Variants in ERI2 observed in about 807,000 individuals in gnomAD.
ERI2 encodes the protein ERI1 exoribonuclease 2.
A neutral mutation model predicts 46.8 loss-of-function variants in ERI2; 35 were observed. The observed-to-expected ratio is 0.75, with a 90% CI of 0.57 to 0.99. The LOEUF (loss-of-function observed/expected upper bound fraction) is 0.99. ERI2 is among the 50% of genes least tolerant of loss of function. The probability of loss-of-function intolerance (pLI) is 0.00; values close to 1 mark genes in which losing one functional copy is unlikely to be tolerated. For synonymous variants in ERI2, 224 were observed against 271.0 expected (o/e 0.83, Z 1.70); for missense variants, 695 against 796.2 (o/e 0.87, Z 1.53).
At position 20,798,653 on chromosome 16, in the gene ERI2, T is replaced by C; in HGVS notation, c.1147A>G (p.Thr383Ala). 2 of 1,551,636 alleles carry C rather than the reference T, an allele frequency of 1.3e-6. No individual in the cohort carries two copies. Among genetic ancestry groups the C allele is most frequent in the Non-Finnish European group, 1.7e-6 (2 of 1,146,914 alleles). Residue 383 changes from threonine (T) to alanine (A), a missense_variant, in exon 9 of 9, where the codon ACC (threonine) becomes GCC (alanine). Coordinates refer to ENST00000357967, the MANE Select transcript of ERI2 (RefSeq NM_001142725.2). ...VGSELVLVST[T>A]VPTVHHVSDL... ...GAAACATGATGAACAGTTGGAACGG[T>C]GGTAGAAACAAGTACCAATTCTGAA...
intron 9 of ERI2, chr16:20,789,562 A>G: frequency 6.2e-7 from 1 of 1,602,506 alleles, no homozygotes; most frequent in Non-Finnish European, 8.6e-7. Flanking sequence ...CCACAGCTAA[A>G]CAAAGTTTGA....
intron 10 of ERI2, chr16:20,781,023 A>G (rs2080341135): frequency 1.2e-6 from 2 of 1,614,090 alleles, no homozygotes; most frequent in Non-Finnish European, 1.7e-6. Context: ...TACCTCAGAT[A>G]CGGGCTGGGC....
chr16:20,792,510 G>C, downstream of ERI2: 1 of 984,312 alleles, frequency 1.0e-6, no homozygotes, highest in Non-Finnish European at 1.2e-6. Context: ...ATTATGAGTT[G>C]CAGCTCTGAT....
At chr16:20,800,469 A>G (rs2080784329) in intron 5 of ERI2, 67 bp from the exon 6 acceptor site, 1 of 875,648 alleles carries the variant, frequency 1.1e-6, no homozygotes, top group South Asian at 1.7e-5. Context: ...TGCTGCCACC[A>G]TTTACAAATA....
chr16:20,796,050 T>G, downstream of ERI2: 1 of 221,008 alleles, frequency 4.5e-6, no homozygotes, highest in Non-Finnish European at 8.8e-6. Context: ...CAGCCTTGTA[T>G]AAAGACTGCA....
chr16:20,798,070 A>G lies in ERI2; in HGVS notation c.1730T>C (p.Leu577Ser), dbSNP rs754409098. 1 of 1,551,584 alleles carries G rather than the reference A, an allele frequency of 6.4e-7. No individual in the cohort carries two copies. Among genetic ancestry groups the G allele is most frequent in the South Asian group, 1.2e-5 (1 of 84,050 alleles). ...SSSWRRLPSI[L>S]TSTVNLQEPW... ...CTCTTGTAGGTTAACTGTAGAAGTT[A>G]ATATAGATGGGAGACGCCTCCAGGA... Residue 577 changes from leucine to serine, a missense_variant, in exon 9 of 9, where the codon TTA becomes TCA. Physicochemically the swap from Leu to Ser is moderately radical, Grantham distance 145. Transcript: ENST00000357967.
At position 20,797,046 on chromosome 16, in the gene ERI2, G is replaced by C; in HGVS notation, c.*678C>G. 1 of 1,551,074 alleles carries C rather than the reference G, an allele frequency of 6.4e-7. No individual in the cohort carries two copies. The highest frequency in any genetic ancestry group is 1.3e-5 in the South Asian group (1 of 79,334). ...AATCTCTAGAAACCACAAGATGATGGAGAGGTCATAAAAACTGTGGTAGTA... is the reference window on the plus strand; with the variant it reads ...AATCTCTAGAAACCACAAGATGATGCAGAGGTCATAAAAACTGTGGTAGTA... On this transcript the variant is annotated 3_prime_UTR_variant, in exon 9 of 9. Coordinates refer to ENST00000357967, the MANE Select transcript of ERI2 (RefSeq NM_001142725.2).
At chr16:20,804,189 G>GT (rs1313720021) in intron 1 of ERI2, among the ~76,000 whole-genome samples, 2 of 151,990 alleles carry the variant, frequency 1.3e-5, no homozygotes, top group Non-Finnish European at 2.9e-5. Context: ...TTGTTTTACA[G>GT]TAATACTGAG....
chr16:20,804,005 C>T (rs893414700), intron 1 of ERI2, among the ~76,000 whole-genome samples: 3 of 151,806 alleles, frequency 2.0e-5, no homozygotes, highest in Admixed American at 1.3e-4. Flanking sequence ...CATGCCACCA[C>T]GGCCCATTAG....
rs2080581441 is a variant in ERI2 at position 20,790,834 on chromosome 16, G to A, written c.815+16C>T. On this transcript the variant is annotated intron_variant, in intron 9 of 10. Transcript: ENST00000300005. This position sits in a 1 kb window ranked among gnomAD's most constrained non-coding sequence, Gnocchi z 4.0. ...TCCTGAATAGTAATCCAAAAGACAA[G>A]AAATTGAAGAAATACCCAAATTCTT... The A allele has an allele frequency of 9.3e-6, 15 of 1,613,824 alleles. No individual in the cohort carries two copies. The highest frequency in any genetic ancestry group is 1.3e-5 in the Non-Finnish European group (15 of 1,179,932).
chr16:20,785,346 A>G (rs748388350), intron 10 of ERI2, among the ~76,000 whole-genome samples: 1 of 152,232 alleles, frequency 6.6e-6, no homozygotes, highest in Non-Finnish European at 1.5e-5. Context: ...GGGCATTACA[A>G]TATTTTTTTA....
In ERI2 at chr16:20,796,842, G is replaced by C. The variant is rs376293834; in HGVS notation, c.*882C>G. The C allele has an allele frequency of 6.2e-7, 1 of 1,605,764 alleles. No individual in the cohort carries two copies. Among genetic ancestry groups the C allele is most frequent in the Middle Eastern group, 1.7e-4 (1 of 6,028 alleles). On this transcript the variant is annotated 3_prime_UTR_variant, in exon 9 of 9. Coordinates refer to ENST00000357967, the MANE Select transcript of ERI2 (RefSeq NM_001142725.2). ...TGCTATATAATTGGCTTTATGTAAAGATAAAAATTTCCAGGCTAATTTTCT... is the reference window on the plus strand; with the variant it reads ...TGCTATATAATTGGCTTTATGTAAACATAAAAATTTCCAGGCTAATTTTCT...
chr16:20,806,270 G>A, intron 1 of ERI2, 138 bp downstream of exon 1: 1 of 1,438,448 alleles, frequency 7.0e-7, no homozygotes, highest in Non-Finnish European at 9.1e-7. Flanking sequence ...CCGTGCCAGA[G>A]AGGGCAGGTC....
At chr16:20,792,370 G>T (rs776238772), downstream of ERI2, 5 of 1,611,038 alleles carry the variant, frequency 3.1e-6, no homozygotes, top group Non-Finnish European at 4.2e-6. Flanking sequence ...TTTATAATTT[G>T]TTGGCAATTT....
rs2080818822 is a variant in ERI2, at chr16:20,803,612, T to C, written c.82A>G (p.Ser28Gly). ...TAAGCATACTACTCACTGGATTTGCTTCTTCCGAGATTTCCATTTGCTGGC... is the reference window on the plus strand; with the variant it reads ...TAAGCATACTACTCACTGGATTTGCCTCTTCCGAGATTTCCATTTGCTGGC... Reference protein sequence around the residue: ...IAPANGNLGRSKSKQLFDYLI... With the variant: ...IAPANGNLGRGKSKQLFDYLI... Residue 28 changes from serine (S) to glycine (G), a missense_variant, in exon 2 of 9, where the codon AGC becomes GGC. Ser to Gly is a moderately conservative substitution (Grantham distance 56). Coordinates refer to ENST00000357967, the MANE Select transcript of ERI2 (RefSeq NM_001142725.2). The C allele has an allele frequency of 6.2e-7, 1 of 1,614,188 alleles. No individual in the cohort carries two copies. Among genetic ancestry groups the C allele is most frequent in the South Asian group, 1.1e-5 (1 of 91,070 alleles).
chr16:20,790,416 C>T lies in ERI2; in HGVS notation c.815+434G>A, dbSNP rs1301824446. Among the ~76,000 whole-genome samples the T allele has an allele frequency of 6.6e-6, 1 of 152,218 alleles. No individual in the cohort carries two copies. Among genetic ancestry groups the T allele is most frequent in the African/African-American group, 2.4e-5 (1 of 41,466 alleles). On this transcript the variant is annotated intron_variant, in intron 9 of 10. Transcript: ENST00000300005. The surrounding 1 kb of genome is among the most constrained non-coding windows in gnomAD (Gnocchi z 4.0). ...AGTGAGCTATGAGCTATGATTGCAC[C>T]ACTGCACTCCAGCCTGGGTGACAAA... is the stretch of plus-strand genomic sequence containing the variant.
intron 8 of ERI2, 46 bp from the exon 9 acceptor site, chr16:20,799,113 C>T (rs745723479): frequency 7.3e-5 from 108 of 1,476,678 alleles, no homozygotes; most frequent in Non-Finnish European, 8.1e-5. Context: ...ACTGTGCATT[C>T]GTTAATTTCT....
At chr16:20,785,094 G>A in intron 10 of ERI2, 1 of 1,613,316 alleles carries the variant, frequency 6.2e-7, no homozygotes, top group Non-Finnish European at 8.5e-7. Context: ...GAAGGATATG[G>A]ACAGACTGAA....
downstream of ERI2, chr16:20,796,103 T>G: frequency 2.8e-6 from 1 of 352,030 alleles, no homozygotes; most frequent in Non-Finnish European, 5.0e-6. Context: ...CATGGCAAAC[T>G]CAGCGTGACT....
Sources: allele counts gnomAD v4.1 joint callset (sites outside exome capture counted in the v4.1 genomes callset), GRCh38; gene constraint gnomAD v4.1.1; non-coding constraint Gnocchi (gnomAD v3.1); transcripts MANE v1.5; gene names NCBI Gene and HGNC (gene_info 2026-07-23, HGNC 2026-07-21).